The following CPNE3 variants were observed in gnomAD, a reference collection of about 807,000 sequenced individuals.
CPNE3 encodes the protein copine-3.
A neutral mutation model predicts 63.9 loss-of-function variants in CPNE3; 68 were observed. The ratio of observed to expected loss-of-function variants is 1.06; its 90% CI spans 0.87 to 1.30. The LOEUF (loss-of-function observed/expected upper bound fraction) is 1.30, where lower values mean the gene tolerates loss of function less well. CPNE3 is among the 50% of genes most tolerant of loss of function. The pLI is 0.00. For synonymous variants in CPNE3, 219 were observed against 197.5 expected (o/e 1.11, Z -0.91); for missense variants, 665 against 578.1 (o/e 1.15, Z -1.54).
intron 7 of CPNE3, 116 bp downstream of exon 7, chr8:86,537,762 C>A: frequency 1.5e-6 from 1 of 665,898 alleles, no homozygotes; most frequent in Non-Finnish European, 2.7e-6. Context: ...TTACATATAG[C>A]CAGAGACACA....
chr8:86,554,501 C>T (rs1821267131), intron 14 of CPNE3, among the ~76,000 whole-genome samples: 1 of 152,202 alleles, frequency 6.6e-6, no homozygotes, highest in African/African-American at 2.4e-5. Context: ...CTTTCATCAT[C>T]AGTTGTATGA....
intron 12 of CPNE3, 161 bp from the exon 13 acceptor site, chr8:86,550,885 G>A (rs908816620): frequency 2.1e-5 from 14 of 665,950 alleles, no homozygotes; most frequent in Non-Finnish European, 3.1e-5. Flanking sequence ...GATGAGAGTT[G>A]TCAAATATTA....
In CPNE3 at chr8:86,540,286, G is replaced by A; in HGVS notation, c.585G>A (p.Lys195=). ...NNLNPVWRPF[K]ISLNSLCYGD... is the part of the protein sequence containing the mutation. The stretch of plus-strand genomic sequence containing the variant: ...TGAATCCTGTTTGGAGGCCTTTCAA[G>A]ATCTCTCTTAACTCACTGTGTTACG... The change falls in exon 8 of 17, where the codon AAG becomes AAA. Residue 195 remains lysine, a synonymous_variant. Coordinates refer to ENST00000517490, the MANE Select transcript of CPNE3 (RefSeq NM_003909.5). 6.2e-7 allele frequency: 1 copy of A among 1,609,544 alleles called. No individual in the cohort carries two copies. The highest frequency in any genetic ancestry group is 1.1e-5 in the South Asian group (1 of 90,630).
intron 2 of CPNE3, among the ~76,000 whole-genome samples, chr8:86,516,479 G>C (rs993209651): frequency 2.2e-4 from 34 of 152,160 alleles, no homozygotes; most frequent in African/African-American, 8.2e-4. Context: ...GCTGCCCTGG[G>C]TATTTCCCTT....
intron 6 of CPNE3, 145 bp from the exon 7 acceptor site, chr8:86,537,418 G>T: frequency 1.7e-6 from 1 of 577,862 alleles, no homozygotes; most frequent in Non-Finnish European, 3.1e-6. Context: ...TCTAAGTTAG[G>T]GAGAAAGGTG....
At chr8:86,532,388 C>A in intron 5 of CPNE3, 121 bp from the exon 6 acceptor site, 1 of 603,220 alleles carries the variant, frequency 1.7e-6, no homozygotes, top group Non-Finnish European at 2.7e-6. Context: ...TCTTATGAAA[C>A]ATTTTAGAAT....
In CPNE3 at chr8:86,560,924, C is replaced by T. The variant is rs545640759; in HGVS notation, c.*2514C>T. The T allele has an allele frequency of 4.6e-5, 7 of 152,280 alleles. No individual in the cohort carries two copies. The highest frequency in any genetic ancestry group is 1.4e-4 in the African/African-American group (6 of 41,548). 9.4% of individuals were successfully genotyped at this position (152,280 alleles called of 1,614,324 possible). A position where few individuals can be genotyped will look rare whatever the true frequency, so the allele number is the denominator to read the frequency against. On this transcript the variant is annotated 3_prime_UTR_variant, in exon 17 of 17. Transcript: ENST00000517490. ...AATCAGATCTATTACAAATATATAT[C>T]GGAGTGACGGTGCCCAGGATAGATG...
intron 8 of CPNE3, among the ~76,000 whole-genome samples, chr8:86,541,699 G>A (rs1220650382): frequency 5.9e-5 from 8 of 136,416 alleles, no homozygotes; most frequent in East Asian, 2.0e-4. Flanking sequence ...GAGTGAGACC[G>A]TGTCTTAAAA....
rs1288247909 is a variant in CPNE3, at chr8:86,554,893, A to C, written c.1163A>C (p.Gln388Pro). ...GAGGCGTATCGGTCTTGTCTTCCTCAGATAAAACTCTATGGACCAACTAAT... is the reference window on the plus strand; with the variant it reads ...GAGGCGTATCGGTCTTGTCTTCCTCCGATAAAACTCTATGGACCAACTAAT... ...IVEAYRSCLPQIKLYGPTNFS... is the reference protein window; with the variant it reads ...IVEAYRSCLPPIKLYGPTNFS... The change falls in exon 15 of 17, where the codon CAG becomes CCG. Residue 388 changes from glutamine to proline, a missense_variant. Transcript: ENST00000517490. The C allele has an allele frequency of 6.2e-7, 1 of 1,614,170 alleles. No individual in the cohort carries two copies. Among genetic ancestry groups the C allele is most frequent in the African/African-American group, 1.3e-5 (1 of 75,046 alleles).
At position 86,556,191 on chromosome 8, in the gene CPNE3, T is replaced by C. The variant is rs778009819; in HGVS notation, c.1344T>C (p.Pro448=). 6 of 873,054 alleles carry C rather than the reference T, an allele frequency of 6.9e-6. No individual in the cohort carries two copies. Among genetic ancestry groups the C allele is most frequent in the Non-Finnish European group, 1.2e-5 (6 of 501,692 alleles). The allele number at this position is 873,054 out of a possible 1,614,324, so 54.1% of individuals were successfully genotyped here. A position where few individuals can be genotyped will look rare whatever the true frequency, so the allele number is the denominator to read the frequency against. The part of the protein sequence containing the change: ...RQAIVNASRL[P]MSIIIVGVGG... ...CTATAGTTAATGCCTCCAGGCTGCC[T>C]ATGTCCATCATAATTGTTGGAGTTG... The change falls in exon 16 of 17, where the codon CCT becomes CCC. Residue 448 remains proline, a synonymous_variant. Transcript: ENST00000517490.
chr8:86,522,548 CT>C (rs36073581), intron 2 of CPNE3, among the ~76,000 whole-genome samples: 340 of 82,106 alleles, frequency 4.1e-3, no homozygotes, highest in Admixed American at 0.013. Context: ...ACGCCCGCTG[CT>C]TTTTTTTTTT....
At chr8:86,527,943 GA>G (rs1820574028) in intron 2 of CPNE3, among the ~76,000 whole-genome samples, 3 of 93,722 alleles carry the variant, frequency 3.2e-5, no homozygotes, top group South Asian at 3.4e-4. Context: ...AAGGTAAAAA[GA>G]AATTTTTTTT....
chr8:86,534,974 C>T (rs1430699169), intron 6 of CPNE3, among the ~76,000 whole-genome samples: 1 of 152,144 alleles, frequency 6.6e-6, no homozygotes, highest in Non-Finnish European at 1.5e-5. Flanking sequence ...TGGATTACTT[C>T]TCATAGATAC....
rs772362085 is a variant in CPNE3 at position 86,560,263 on chromosome 8, A to G, written c.*1853A>G. 6.6e-6 allele frequency: 1 copy of G among 152,250 alleles called. No homozygotes were observed. Among genetic ancestry groups the G allele is most frequent in the Non-Finnish European group, 1.5e-5 (1 of 68,040 alleles). The allele number at this position is 152,250 out of a possible 1,614,324, so 9.4% of individuals were successfully genotyped here. On this transcript the variant is annotated 3_prime_UTR_variant, in exon 17 of 17. Coordinates refer to ENST00000517490, the MANE Select transcript of CPNE3 (RefSeq NM_003909.5). ...CTCTTTGTATGCTTGGAAACAGCAT[A>G]GATATGTTGCTGTGGTTTTCAGAAT...
chr8:86,530,690 ATTT>A (rs34745647), intron 4 of CPNE3, among the ~76,000 whole-genome samples: 32,979 of 135,732 alleles, frequency 0.24, 3,653 homozygotes, highest in Non-Finnish European at 0.28. Context: ...AAATATTTAG[ATTT>A]TTTTTTTTTT....
chr8:86,545,546 A>G (rs1821028788), intron 9 of CPNE3, among the ~76,000 whole-genome samples: 1 of 152,108 alleles, frequency 6.6e-6, no homozygotes, highest in African/African-American at 2.4e-5. Context: ...CCTTTCTTTA[A>G]TTTCTAATAC....
chr8:86,549,796 G>A (rs1476961971), intron 12 of CPNE3, among the ~76,000 whole-genome samples: 1 of 152,202 alleles, frequency 6.6e-6, no homozygotes, highest in East Asian at 1.9e-4. Context: ...AGGGGGAAGA[G>A]AAGAAAGGGA....
intron 6 of CPNE3, among the ~76,000 whole-genome samples, chr8:86,535,478 G>A (rs367637518): frequency 6.6e-6 from 1 of 152,042 alleles, no homozygotes; most frequent in Admixed American, 6.6e-5. Context: ...GACCAGCCTG[G>A]CCAACATGGT....
At chr8:86,535,445 AAC>A (rs1820782574) in intron 6 of CPNE3, among the ~76,000 whole-genome samples, 1 of 152,096 alleles carries the variant, frequency 6.6e-6, no homozygotes, top group African/African-American at 2.4e-5. Flanking sequence ...AGGTGGGTGG[AAC>A]ACTTGAGGTC....
Sources: gnomAD v4.1 joint callset for allele counts (sites outside exome capture counted in the v4.1 genomes callset) on GRCh38, gnomAD v4.1.1 for gene constraint, MANE v1.5 for transcripts, NCBI Gene and HGNC (gene_info 2026-07-23, HGNC 2026-07-21) for gene names.